The following TMTC2 variants were observed in gnomAD, a reference collection of about 807,000 sequenced individuals.
The protein encoded by TMTC2 is protein O-mannosyl-transferase TMTC2.
In TMTC2, 43 loss-of-function variants were observed where a neutral mutation model predicts 82.4. The observed-to-expected ratio is 0.52, with a 90% CI of 0.41 to 0.67. The LOEUF (loss-of-function observed/expected upper bound fraction) is 0.67, where lower values mean the gene tolerates loss of function less well. Ranked by LOEUF, TMTC2 falls within the 30% of genes least tolerant of loss-of-function variation. The pLI, the probability that TMTC2 is intolerant of heterozygous loss-of-function variation, is 0.00. For missense variants in TMTC2, 919 were observed against 1,012.4 expected (o/e 0.91, Z 1.25); for synonymous variants, 408 against 381.9 (o/e 1.07, Z -0.80).
chr12:82,960,655 G>A (rs1877880417), intron 4 of TMTC2, among the ~76,000 whole-genome samples: 1 of 151,778 alleles, frequency 6.6e-6, no homozygotes, highest in East Asian at 1.9e-4. Flanking sequence ...GGAGGAAGGG[G>A]AGCAATGGTT....
intron 1 of TMTC2, among the ~76,000 whole-genome samples, chr12:82,715,254 G>A (rs1199612734): frequency 3.4e-5 from 5 of 147,388 alleles, no homozygotes; most frequent in Admixed American, 2.8e-4. Flanking sequence ...CAGCCTGGGC[G>A]ACAGAACGAG....
rs753079016 is a variant in TMTC2, at chr12:83,132,783, A to G, written c.*394A>G. On this transcript the variant is annotated 3_prime_UTR_variant, in exon 12 of 12. Coordinates refer to ENST00000321196, the MANE Select transcript of TMTC2 (RefSeq NM_152588.3). Reference sequence around the variant, plus strand: ...TCAGAGTGTCCATTCAGGCATGGCAAACAATTAGGGTTAAGTGTTACGAGG... The same window carrying G: ...TCAGAGTGTCCATTCAGGCATGGCAGACAATTAGGGTTAAGTGTTACGAGG... The G allele has an allele frequency of 2.4e-4, 46 of 191,152 alleles. No individual in the cohort carries two copies. The highest frequency in any genetic ancestry group is 7.2e-4 in the East Asian group (4 of 5,522). 11.8% of individuals were successfully genotyped at this position (191,152 alleles called of 1,614,324 possible). A position where few individuals can be genotyped will look rare whatever the true frequency, so the allele number is the denominator to read the frequency against.
intron 1 of TMTC2, among the ~76,000 whole-genome samples, chr12:82,718,188 G>A (rs1450000425): frequency 1.3e-5 from 2 of 152,132 alleles, no homozygotes; most frequent in Admixed American, 1.3e-4. Context: ...GAATTAGGCA[G>A]TATCCATAAA....
intron 1 of TMTC2, among the ~76,000 whole-genome samples, chr12:82,757,424 GTTTATC>G (rs775631544): frequency 1.8e-4 from 27 of 151,990 alleles, no homozygotes; most frequent in Admixed American, 3.3e-4. Flanking sequence ...AATTTATCTT[GTTTATC>G]TTTATAGCAA....
rs907575427 is a variant in TMTC2, at chr12:83,099,398, G to T, written c.2332-32812G>T. ...TCTTACTGCGCACAACATCTTCTCT[G>T]TCTCCTCACTTTGCATTTTAAATGT... On this transcript the variant is annotated intron_variant, in intron 11 of 11. Coordinates refer to ENST00000321196, the MANE Select transcript of TMTC2 (RefSeq NM_152588.3). Among the ~76,000 whole-genome samples the T allele has an allele frequency of 5.3e-5, 8 of 152,152 alleles. No individual in the cohort carries two copies. The South Asian group carries it at 8.3e-4, about 16-fold the overall frequency.
At chr12:83,061,965 CT>C in intron 11 of TMTC2, 134 bp downstream of exon 11, 1 of 630,844 alleles carries the variant, frequency 1.6e-6, no homozygotes, top group East Asian at 2.9e-5. Flanking sequence ...CCCTTTCTCT[CT>C]CTGAGCTCTT....
At chr12:82,825,098 G>GA (rs370787604) in intron 1 of TMTC2, among the ~76,000 whole-genome samples, 85 of 134,088 alleles carry the variant, frequency 6.3e-4, no homozygotes, top group South Asian at 2.9e-3. Context: ...CAAAAAAAAA[G>GA]AAAAAAAAAA....
rs534743581 is a variant in TMTC2, at chr12:82,864,542, G to A, written c.654+6962G>A. Among the ~76,000 whole-genome samples, 32 of 128,140 alleles carry A rather than the reference G, an allele frequency of 2.5e-4. No homozygotes were observed. The East Asian group carries it at 5.4e-3, about 22-fold the overall frequency. The allele number at this position is 128,140 out of a possible 152,430, so 84.1% of individuals were successfully genotyped here. On this transcript the variant is annotated intron_variant, in intron 2 of 11. Coordinates refer to ENST00000321196, the MANE Select transcript of TMTC2 (RefSeq NM_152588.3). ...TTGAGAGACGGAGTCTCTGTCTGTC[G>A]CCACGCTGGAGTGCAGTGGCGCAAT...
chr12:83,058,365 A>G (rs1268798853), intron 10 of TMTC2, among the ~76,000 whole-genome samples: 4 of 151,892 alleles, frequency 2.6e-5, no homozygotes, highest in East Asian at 1.9e-4. Context: ...AACTCACTCC[A>G]GTGATTTCTT....
At position 82,789,657 on chromosome 12, in the gene TMTC2, G is replaced by T. The variant is rs979230477; in HGVS notation, c.84-67353G>T. Among the ~76,000 whole-genome samples, 6 of 152,154 alleles carry T rather than the reference G, an allele frequency of 3.9e-5. No homozygotes were observed. The East Asian group carries it at 7.7e-4, about 20-fold the overall frequency. Reference sequence around the variant, plus strand: ...ACAGTGAACTGTGAACAAAGGCAGAGAATCTAAAGAAACTTGTGTTATTAA... The same window carrying T: ...ACAGTGAACTGTGAACAAAGGCAGATAATCTAAAGAAACTTGTGTTATTAA... On this transcript the variant is annotated intron_variant, in intron 1 of 11. Coordinates refer to ENST00000321196, the MANE Select transcript of TMTC2 (RefSeq NM_152588.3).
At chr12:83,128,827 G>A (rs1185483246) in intron 11 of TMTC2, among the ~76,000 whole-genome samples, 1 of 152,144 alleles carries the variant, frequency 6.6e-6, no homozygotes, top group Non-Finnish European at 1.5e-5. Flanking sequence ...GTAGAGGGGA[G>A]ACATGACAGG....
chr12:82,816,471 CA>C (rs989421439), intron 1 of TMTC2, among the ~76,000 whole-genome samples: 4 of 151,706 alleles, frequency 2.6e-5, no homozygotes, highest in African/African-American at 9.7e-5. Flanking sequence ...AGGGAGTCTC[CA>C]AAAAAACTCA....
intron 4 of TMTC2, among the ~76,000 whole-genome samples, chr12:82,944,425 A>C (rs1227676391): frequency 6.6e-6 from 1 of 152,038 alleles, no homozygotes; most frequent in Non-Finnish European, 1.5e-5. Flanking sequence ...TCTACTAAAA[A>C]TACAAAAAAT....
At chr12:82,753,357 T>C (rs887869011) in intron 1 of TMTC2, among the ~76,000 whole-genome samples, 1 of 151,588 alleles carries the variant, frequency 6.6e-6, no homozygotes, top group African/African-American at 2.4e-5. Context: ...AGAAGTTTTC[T>C]GGTTTTTTAG....
At chr12:83,063,071 A>G (rs573027052) in intron 11 of TMTC2, among the ~76,000 whole-genome samples, 90 of 151,962 alleles carry the variant, frequency 5.9e-4, no homozygotes, top group Admixed American at 1.8e-3. Context: ...AGAAATGATG[A>G]CCCAGGAAAA....
chr12:82,904,426 A>G (rs1874182517), intron 3 of TMTC2, among the ~76,000 whole-genome samples: 1 of 152,214 alleles, frequency 6.6e-6, no homozygotes, highest in African/African-American at 2.4e-5. Flanking sequence ...GACGATGAGT[A>G]AACCCTGTCA....
intron 1 of TMTC2, among the ~76,000 whole-genome samples, chr12:82,835,013 C>G (rs930935905): frequency 6.6e-6 from 1 of 151,972 alleles, no homozygotes; most frequent in Non-Finnish European, 1.5e-5. Context: ...GAGTGTGCAC[C>G]ACCATGCCCA....
chr12:83,081,011 G>A (rs567487483), intron 11 of TMTC2, among the ~76,000 whole-genome samples: 1 of 152,318 alleles, frequency 6.6e-6, no homozygotes, highest in East Asian at 1.9e-4. Flanking sequence ...AAATAGTGGT[G>A]TTGTGGTCCC....
chr12:82,802,542 T>C (rs1879063607), intron 1 of TMTC2, among the ~76,000 whole-genome samples: 2 of 152,180 alleles, frequency 1.3e-5, no homozygotes, highest in Non-Finnish European at 2.9e-5. Context: ...ATCAGGCAAT[T>C]GGGTAAAGAC....
Sources: allele counts gnomAD v4.1 joint callset (sites outside exome capture counted in the v4.1 genomes callset), GRCh38; gene constraint gnomAD v4.1.1; transcripts MANE v1.5; gene names NCBI Gene and HGNC (gene_info 2026-07-23, HGNC 2026-07-21).